TAF1: variants seen among roughly 807,000 people sequenced by gnomAD.
TAF1 encodes the protein transcription initiation factor TFIID subunit 1.
A neutral mutation model predicts 138.5 loss-of-function variants in TAF1; 2 were observed. That is an observed-to-expected ratio of 0.01 (90% CI 0.01 to 0.05). The LOEUF (loss-of-function observed/expected upper bound fraction) is 0.05, where lower values mean the gene tolerates loss of function less well. Among genes scored for constraint, TAF1 ranks in the 10% least tolerant of loss-of-function variants. The pLI, the probability that TAF1 is intolerant of heterozygous loss-of-function variation, is 1.00. For missense variants in TAF1, 709 were observed against 1,478.0 expected, an observed-to-expected ratio of 0.48 and a Z score of 8.53; for synonymous variants, 437 against 503.2, an observed-to-expected ratio of 0.87 and a Z score of 1.76.
chrX:71,470,363 G>A (rs1171956335), downstream of TAF1, among the ~76,000 whole-genome samples: 1 of 110,513 alleles, frequency 9.0e-6, no homozygotes, highest in East Asian at 2.9e-4. Context: ...GATTATAGGT[G>A]ACATTTCTTT....
chrX:71,395,388 C>G (rs1006869311), intron 22 of TAF1, among the ~76,000 whole-genome samples: 12 of 111,018 alleles, frequency 1.1e-4, no homozygotes, highest in Non-Finnish European at 3.8e-5. Flanking sequence ...ACCTATAATT[C>G]CAGCTACTCG....
chrX:71,389,863 T>C (rs1359912515), intron 18 of TAF1, 198 bp downstream of exon 18: 1 of 306,558 alleles, frequency 3.3e-6, no homozygotes, highest in Non-Finnish European at 5.5e-6. Flanking sequence ...TTTGTTTTTT[T>C]TTGTTTGTTT....
chrX:71,429,430 G>T (rs969693898), intron 32 of TAF1, among the ~76,000 whole-genome samples: 1 of 111,594 alleles, frequency 9.0e-6, no homozygotes, highest in African/African-American at 3.3e-5. Context: ...GTTCCTGGCA[G>T]ATAGCACAAA....
chrX:71,423,266 T>G, intron 30 of TAF1, 27 bp downstream of exon 30: 1 of 1,210,645 alleles, frequency 8.3e-7, no homozygotes, highest in Non-Finnish European at 1.1e-6. Context: ...CCAAATACTG[T>G]GAGGATCGTG....
At chrX:71,446,993 G>A (rs1363222841) in intron 32 of TAF1, among the ~76,000 whole-genome samples, 3 of 112,210 alleles carry the variant, frequency 2.7e-5, no homozygotes, top group Non-Finnish European at 5.6e-5. Flanking sequence ...GATCTAGTTT[G>A]AAGATAAATA....
At chrX:71,496,452 C>T (rs1052427117) in intron 13 of TAF1, among the ~76,000 whole-genome samples, 4 of 111,791 alleles carry the variant, frequency 3.6e-5, no homozygotes, top group African/African-American at 9.7e-5. Context: ...TAGGGTACAC[C>T]GTTTTTTCTT....
In TAF1 at chrX:71,378,456, G is replaced by T; in HGVS notation, c.1152+3G>T. 1 of 1,208,680 alleles carries T rather than the reference G, an allele frequency of 8.3e-7. No individual in the cohort carries two copies. The highest frequency in any genetic ancestry group is 1.8e-5 in the South Asian group (1 of 56,866). On this transcript the variant is annotated splice_donor_region_variant and intron_variant, in intron 7 of 37. Transcript: ENST00000423759. ...TGATAAAATCTAGAATGATAGAGGT[G>T]AGCAACACTGGTATGTAAGAAAGGA... is the stretch of plus-strand genomic sequence containing the variant.
chrX:71,463,768 A>C (rs758721590), intron 37 of TAF1, 56 bp from the exon 38 acceptor site: 35 of 1,116,820 alleles, frequency 3.1e-5, no homozygotes, highest in Non-Finnish European at 4.2e-5. Context: ...GAGAATGGGA[A>C]TGGTCAGGTA....
intron 21 of TAF1, 73 bp downstream of exon 21, chrX:71,393,549 AGAG>A (rs2034684040): frequency 9.1e-7 from 1 of 1,104,393 alleles, no homozygotes; most frequent in Admixed American, 3.4e-5. Context: ...TTCATAATAA[AGAG>A]GAGGTCACCT....
At chrX:71,466,730 G>T (rs2038769133), downstream of TAF1, among the ~76,000 whole-genome samples, 1 of 110,997 alleles carries the variant, frequency 9.0e-6, no homozygotes, top group African/African-American at 3.3e-5. Context: ...TTGACCTCAA[G>T]CGATCCACCT....
intron 15 of TAF1, 41 bp from the exon 16 acceptor site, chrX:71,388,196 C>T (rs762490775): frequency 8.3e-7 from 1 of 1,203,869 alleles, no homozygotes; most frequent in Non-Finnish European, 1.1e-6. Context: ...GACTTTTATC[C>T]TTTTCTTTGC....
At chrX:71,386,614 G>A (rs991083185) in intron 14 of TAF1, among the ~76,000 whole-genome samples, 3 of 111,816 alleles carry the variant, frequency 2.7e-5, no homozygotes, top group African/African-American at 9.7e-5. Context: ...ATAGGCGCAC[G>A]CCACCACATC....
intron 13 of TAF1, among the ~76,000 whole-genome samples, chrX:71,518,346 T>C (rs1246137983): frequency 1.8e-5 from 2 of 109,812 alleles, no homozygotes; most frequent in African/African-American, 6.6e-5. Context: ...TTTTTTTGTA[T>C]TTTAGTAGAG....
At chrX:71,402,084 C>A (rs1233625617) in intron 25 of TAF1, among the ~76,000 whole-genome samples, 1 of 111,600 alleles carries the variant, frequency 9.0e-6, no homozygotes, top group Non-Finnish European at 1.9e-5. Flanking sequence ...TCTTGTTCTA[C>A]TTCTAGACAC....
intron 37 of TAF1, among the ~76,000 whole-genome samples, chrX:71,463,004 C>T (rs1190908700): frequency 2.7e-5 from 3 of 111,460 alleles, no homozygotes; most frequent in Non-Finnish European, 5.7e-5. Flanking sequence ...TGTGGAATAC[C>T]ATGTAGCTAT....
At chrX:71,488,602 TGCA>T (rs1327152518) in intron 13 of TAF1, among the ~76,000 whole-genome samples, 7 of 111,132 alleles carry the variant, frequency 6.3e-5, no homozygotes, top group Non-Finnish European at 1.3e-4. Flanking sequence ...TTTCTCTCTG[TGCA>T]GCTATCTTTT....
chrX:71,425,012 C>T (rs763135864), intron 32 of TAF1, among the ~76,000 whole-genome samples: 2 of 111,595 alleles, frequency 1.8e-5, no homozygotes, highest in East Asian at 2.8e-4. Flanking sequence ...AAGTAGTATA[C>T]GCTTACTTTT....
chrX:71,408,838 C>G (rs1378809477), intron 28 of TAF1, among the ~76,000 whole-genome samples: 5 of 110,032 alleles, frequency 4.5e-5, no homozygotes, highest in East Asian at 2.9e-4. Context: ...ATGGTGAAAC[C>G]CCCATCTCTA....
At chrX:71,503,277 A>AATATAT (rs1166964675) in intron 13 of TAF1, among the ~76,000 whole-genome samples, 1 of 90,169 alleles carries the variant, frequency 1.1e-5, no homozygotes, top group African/African-American at 4.5e-5. Flanking sequence ...TCAAAAAAAA[A>AATATAT]ATATATATAT....
Sources: gnomAD v4.1 joint callset for allele counts (sites outside exome capture counted in the v4.1 genomes callset) on GRCh38, gnomAD v4.1.1 for gene constraint, MANE v1.5 for transcripts, NCBI Gene and HGNC (gene_info 2026-07-23, HGNC 2026-07-21) for gene names.